SCMH1: variants seen among roughly 807,000 people sequenced by gnomAD.
The protein encoded by SCMH1 is polycomb protein SCMH1.
SCMH1 carries 37 observed loss-of-function variants against 70.8 expected under a neutral mutation model. The observed-to-expected ratio is 0.52, with a 90% CI of 0.40 to 0.69. The LOEUF (loss-of-function observed/expected upper bound fraction) is 0.69. Among genes scored for constraint, SCMH1 ranks in the 30% least tolerant of loss-of-function variants. The pLI is 0.00. For missense variants in SCMH1, 607 were observed against 827.3 expected (o/e 0.73, Z 3.27); for synonymous variants, 292 against 307.4 (o/e 0.95, Z 0.52).
chr1:41,033,681 A>G (rs1644868373), intron 13 of SCMH1, among the ~76,000 whole-genome samples: 1 of 152,244 alleles, frequency 6.6e-6, no homozygotes, highest in African/African-American at 2.4e-5. Context: ...GCTCATGCCT[A>G]ATCATCCTGG....
chr1:41,144,858 T>A (rs1436063535), intron 5 of SCMH1, among the ~76,000 whole-genome samples: 1 of 152,204 alleles, frequency 6.6e-6, no homozygotes, highest in Non-Finnish European at 1.5e-5. Flanking sequence ...CTACTGAGTA[T>A]CTTTAATGTG....
chr1:41,186,099 G>A (rs1227245601), intron 2 of SCMH1, 22 bp downstream of exon 2: 5 of 1,546,568 alleles, frequency 3.2e-6, no homozygotes, highest in South Asian at 2.4e-5. Context: ...TTACCTCCAC[G>A]ATAGGGTAAA....
Position 41,230,649 on chromosome 1 carries a change from C to A in SCMH1, c.-118+11410G>T, listed in dbSNP as rs576626546. 1.0e-4 allele frequency among the ~76,000 whole-genome samples: 15 copies of A among 149,952 alleles called. No homozygotes were observed. In the South Asian group the frequency reaches 3.2e-3, roughly 32 times the overall value. On this transcript the variant is annotated intron_variant, in intron 1 of 14. Coordinates refer to ENST00000337495, the Ensembl canonical transcript of SCMH1. The stretch of plus-strand genomic sequence containing the variant: ...CTCCAGCCTGAGCAACAAAGCAAGA[C>A]CCTATGTCTTAAAAAAAAAAAAAAA...
intron 6 of SCMH1, among the ~76,000 whole-genome samples, chr1:41,120,388 C>A (rs987316613): frequency 2.0e-5 from 3 of 152,130 alleles, no homozygotes; most frequent in African/African-American, 7.2e-5. Context: ...CTATTATTAT[C>A]CCTACTCTAC....
chr1:41,087,307 A>T (rs192203289), intron 8 of SCMH1, among the ~76,000 whole-genome samples: 8 of 152,294 alleles, frequency 5.3e-5, no homozygotes, highest in Admixed American at 1.3e-4. Flanking sequence ...TCCTATAATG[A>T]AAGGTTAATA....
chr1:41,193,903 G>A (rs1652362279), intron 1 of SCMH1, among the ~76,000 whole-genome samples: 1 of 152,152 alleles, frequency 6.6e-6, no homozygotes, highest in East Asian at 1.9e-4. Flanking sequence ...CCATAAAGGG[G>A]TTTTAACACT....
intron 1 of SCMH1, among the ~76,000 whole-genome samples, chr1:41,237,245 G>A (rs1379987165): frequency 6.6e-6 from 1 of 152,016 alleles, no homozygotes; most frequent in Non-Finnish European, 1.5e-5. Flanking sequence ...GAGCTTCTTC[G>A]GTCACTTTCT....
intron 13 of SCMH1, among the ~76,000 whole-genome samples, chr1:41,029,833 T>TGGTTACA: frequency 6.6e-6 from 1 of 152,370 alleles, no homozygotes; most frequent in East Asian, 1.9e-4. Flanking sequence ...AGTATATTCT[T>TGGTTACA]GGTTACAGAT....
chr1:41,126,368 C>T (rs1673184008), intron 6 of SCMH1, among the ~76,000 whole-genome samples: 1 of 151,986 alleles, frequency 6.6e-6, no homozygotes, highest in South Asian at 2.1e-4. Context: ...TTAGGGTTTG[C>T]TTTGTTCATC....
chr1:41,062,008 G>A (rs1265390761), intron 10 of SCMH1, among the ~76,000 whole-genome samples: 3 of 152,080 alleles, frequency 2.0e-5, no homozygotes, highest in East Asian at 2.0e-4. Flanking sequence ...AGGACCACAG[G>A]TGCATGCCAC....
chr1:41,065,479 A>G (rs1654280382), intron 10 of SCMH1, among the ~76,000 whole-genome samples: 1 of 152,236 alleles, frequency 6.6e-6, no homozygotes, highest in African/African-American at 2.4e-5. Context: ...CCACAACAAT[A>G]GCAAACCAAA....
At chr1:41,124,067 T>A (rs202130382) in intron 6 of SCMH1, among the ~76,000 whole-genome samples, 22 of 152,188 alleles carry the variant, frequency 1.4e-4, no homozygotes, top group East Asian at 5.8e-4. Context: ...TTTATTTTTT[T>A]AATTTTATTT....
chr1:41,185,795 C>T (rs1650041445), intron 2 of SCMH1, among the ~76,000 whole-genome samples: 1 of 151,846 alleles, frequency 6.6e-6, no homozygotes, highest in African/African-American at 2.4e-5. Flanking sequence ...GCCACCATGC[C>T]CACCAGTTTT....
intron 2 of SCMH1, chr1:41,162,686 C>T (rs1291539998): frequency 6.6e-6 from 1 of 152,152 alleles, no homozygotes; most frequent in Non-Finnish European, 1.5e-5. Flanking sequence ...TCCTCTCTGC[C>T]TCTGCAGAGA....
chr1:41,122,987 A>G (rs1229173545), intron 6 of SCMH1, among the ~76,000 whole-genome samples: 2 of 152,148 alleles, frequency 1.3e-5, no homozygotes, highest in East Asian at 3.9e-4. Context: ...TGGGAGACTG[A>G]CGCAGGAGGA....
At chr1:41,125,796 C>T (rs1346592625) in intron 6 of SCMH1, among the ~76,000 whole-genome samples, 1 of 151,980 alleles carries the variant, frequency 6.6e-6, no homozygotes, top group Admixed American at 6.6e-5. Context: ...AGGCTGGTCT[C>T]GAACTCCTAG....
intron 9 of SCMH1, among the ~76,000 whole-genome samples, chr1:41,074,638 C>G (rs1657631479): frequency 6.6e-6 from 1 of 152,130 alleles, no homozygotes; most frequent in Non-Finnish European, 1.5e-5. Context: ...AGAGCAGTTT[C>G]TTCCATGTAC....
intron 8 of SCMH1, among the ~76,000 whole-genome samples, chr1:41,096,976 C>A (rs965359439): frequency 6.6e-6 from 1 of 152,134 alleles, no homozygotes; most frequent in African/African-American, 2.4e-5. Context: ...CACTCTGGGG[C>A]CCTTCAGTTC....
chr1:41,144,810 A>G (rs1305205138), intron 5 of SCMH1, among the ~76,000 whole-genome samples: 1 of 152,174 alleles, frequency 6.6e-6, no homozygotes, highest in African/African-American at 2.4e-5. Flanking sequence ...AATGTGATGT[A>G]TATCTCATTG....
Sources: gnomAD v4.1 joint callset for allele counts (sites outside exome capture counted in the v4.1 genomes callset) on GRCh38, gnomAD v4.1.1 for gene constraint, MANE v1.5 for transcripts, NCBI Gene and HGNC (gene_info 2026-07-23, HGNC 2026-07-21) for gene names.